Variants in CTNNA3 observed in about 807,000 individuals in gnomAD.
CTNNA3 encodes the protein catenin alpha-3.
A neutral mutation model predicts 95.7 loss-of-function variants in CTNNA3; 76 were observed. The ratio of observed to expected loss-of-function variants is 0.79; its 90% CI spans 0.66 to 0.96. The LOEUF (loss-of-function observed/expected upper bound fraction) is 0.96. Ranked by LOEUF, CTNNA3 falls within the 40% of genes least tolerant of loss-of-function variation. CTNNA3 has a pLI of 0.00. For synonymous variants in CTNNA3, 431 were observed against 374.4 expected (o/e 1.15, Z -1.74); for missense variants, 1,191 against 1,089.8 (o/e 1.09, Z -1.31).
intron 5 of CTNNA3, among the ~76,000 whole-genome samples, chr10:67,387,105 G>A (rs890648718): frequency 6.6e-6 from 1 of 152,166 alleles, no homozygotes; most frequent in African/African-American, 2.4e-5. Flanking sequence ...CAGCGTGAGC[G>A]ACGCAGAAGA....
chr10:67,279,630 C>T (rs1441896470), intron 5 of CTNNA3, among the ~76,000 whole-genome samples: 3 of 140,588 alleles, frequency 2.1e-5, no homozygotes, highest in African/African-American at 8.2e-5. Flanking sequence ...AGATATTTAA[C>T]CTTTTATCTG....
At chr10:66,382,689 A>T (rs9414922) in intron 11 of CTNNA3, among the ~76,000 whole-genome samples, 72,630 of 151,978 alleles carry the variant, frequency 0.48, 17,775 homozygotes, top group African/African-American at 0.58. Context: ...GTAGAGGCCA[A>T]CAGACACCTC....
chr10:66,186,257 CAATT>C (rs2086336364), intron 13 of CTNNA3, among the ~76,000 whole-genome samples: 1 of 149,124 alleles, frequency 6.7e-6, no homozygotes, highest in Non-Finnish European at 1.5e-5. Context: ...TATTATGTGT[CAATT>C]AAAAACAAAA....
intron 12 of CTNNA3, among the ~76,000 whole-genome samples, chr10:66,292,782 C>A (rs1366528522): frequency 6.6e-6 from 1 of 152,154 alleles, no homozygotes; most frequent in Non-Finnish European, 1.5e-5. Context: ...TCCAAATCAT[C>A]ATGAGGCTGC....
In CTNNA3 at chr10:65,955,726, C is replaced by A. The variant is rs147238127; in HGVS notation, c.2400+10886G>T. ...CATATGTTGAACCAGCGTTTCATCC[C>A]AGGGATGAAGCCTACTTGATCATGG... is the stretch of plus-strand genomic sequence containing the variant. On this transcript the variant is annotated intron_variant, in intron 17 of 17. Coordinates refer to ENST00000433211, the MANE Select transcript of CTNNA3 (RefSeq NM_013266.4). Among the ~76,000 whole-genome samples, 949 of 152,160 alleles carry A rather than the reference C, an allele frequency of 6.2e-3. 7 individuals are homozygous for A. Among genetic ancestry groups the A allele is most frequent in the African/African-American group, 0.021 (887 of 41,510 alleles).
At chr10:67,050,651 G>A (rs1011939732) in intron 7 of CTNNA3, among the ~76,000 whole-genome samples, 6 of 152,144 alleles carry the variant, frequency 3.9e-5, no homozygotes, top group Admixed American at 6.5e-5. Flanking sequence ...GCCCAGACTC[G>A]TGTCCTGCAT....
chr10:67,605,981 T>G (rs1300199310), intron 3 of CTNNA3, among the ~76,000 whole-genome samples: 3 of 152,214 alleles, frequency 2.0e-5, no homozygotes, highest in African/African-American at 4.8e-5. Context: ...AAAAATTTTT[T>G]TTAAATCCCC....
At chr10:66,141,040 C>G (rs1197157644) in intron 13 of CTNNA3, among the ~76,000 whole-genome samples, 1 of 152,006 alleles carries the variant, frequency 6.6e-6, no homozygotes, top group African/African-American at 2.4e-5. Flanking sequence ...GGGAGGATCA[C>G]CTGAGCTCAG....
intron 5 of CTNNA3, among the ~76,000 whole-genome samples, chr10:67,385,583 G>A (rs1564614793): frequency 6.6e-6 from 1 of 152,112 alleles, no homozygotes; most frequent in South Asian, 2.1e-4. Context: ...ATCTATATGT[G>A]TATAGTTAAA....
Position 67,180,471 on chromosome 10 carries a change from G to T in CTNNA3, c.893C>A (p.Pro298Gln). ...PLTVTEEEIRPSLEKRLEAII... is the reference protein window; with the variant it reads ...PLTVTEEEIRQSLEKRLEAII... ...GGCTTCAAGGCGTTTCTCTAGTGAT[G>T]GTCGTATTTCCTCCTCAGTTACTGT... is the stretch of plus-strand genomic sequence containing the variant. The change falls in exon 7 of 18, where the codon CCA becomes CAA. Residue 298 changes from proline (P) to glutamine (Q), a missense_variant. Physicochemically the swap from Pro to Gln is moderately conservative, Grantham distance 76. Coordinates refer to ENST00000433211, the MANE Select transcript of CTNNA3 (RefSeq NM_013266.4). The T allele has an allele frequency of 6.2e-7, 1 of 1,613,780 alleles. No individual in the cohort carries two copies. The highest frequency in any genetic ancestry group is 8.5e-7 in the Non-Finnish European group (1 of 1,179,842).
intron 7 of CTNNA3, among the ~76,000 whole-genome samples, chr10:66,826,912 C>T (rs1842535913): frequency 6.6e-6 from 1 of 152,196 alleles, no homozygotes. Context: ...GTCCCACTCC[C>T]AGCCTCCAGC....
intron 15 of CTNNA3, among the ~76,000 whole-genome samples, chr10:66,013,476 C>T (rs926452252): frequency 7.2e-5 from 11 of 152,166 alleles, no homozygotes; most frequent in Admixed American, 1.3e-4. Flanking sequence ...CACTGTTCCA[C>T]GCAGGAGCCC....
intron 5 of CTNNA3, among the ~76,000 whole-genome samples, chr10:67,500,894 C>A (rs1017052032): frequency 6.6e-6 from 1 of 152,326 alleles, no homozygotes; most frequent in East Asian, 1.9e-4. Context: ...ATACAGCACA[C>A]TGATGGGTCT....
chr10:67,290,296 T>C (rs10740272), intron 5 of CTNNA3, among the ~76,000 whole-genome samples: 21,474 of 152,154 alleles, frequency 0.14, 2,075 homozygotes, highest in African/African-American at 0.28. Context: ...CAAATCCTAG[T>C]CTGTTATGTA....
upstream of CTNNA3, among the ~76,000 whole-genome samples, chr10:67,699,937 G>A (rs577857213): frequency 1.9e-4 from 29 of 152,308 alleles, 1 homozygote; most frequent in African/African-American, 4.1e-4. Context: ...GCGCTTTTCC[G>A]ATGGGCTTAA....
At chr10:67,105,559 G>C (rs1384068629) in intron 7 of CTNNA3, among the ~76,000 whole-genome samples, 1 of 151,996 alleles carries the variant, frequency 6.6e-6, no homozygotes, top group African/African-American at 2.4e-5. Context: ...TGATATATTT[G>C]CTTTCAATTA....
intron 7 of CTNNA3, among the ~76,000 whole-genome samples, chr10:66,991,597 G>A (rs1399173970): frequency 2.6e-5 from 4 of 152,100 alleles, no homozygotes; most frequent in African/African-American, 9.7e-5. Context: ...TGTTGCCCAG[G>A]CTGGAGTGCA....
rs192486175 is a variant in CTNNA3, at chr10:67,554,751, C to T, written c.293-15082G>A. ...TTTCTTTTGCTGTGCAGAAGCTCTT[C>T]AGTTTAATTAGATCCCATTTGTCAA... On this transcript the variant is annotated intron_variant, in intron 3 of 17. Coordinates refer to ENST00000433211, the MANE Select transcript of CTNNA3 (RefSeq NM_013266.4). Among the ~76,000 whole-genome samples the T allele has an allele frequency of 1.2e-3, 184 of 152,196 alleles. 1 individual carries two copies. The highest frequency in any genetic ancestry group is 4.2e-3 in the African/African-American group (173 of 41,550).
intron 12 of CTNNA3, among the ~76,000 whole-genome samples, chr10:66,291,839 TATATATATGTGTATGC>T (rs904897211): frequency 3.3e-5 from 5 of 151,492 alleles, no homozygotes; most frequent in African/African-American, 9.7e-5. Context: ...ACACATAAAT[TATATATATGTGTATGC>T]ATATATATGT....
Sources: allele counts gnomAD v4.1 joint callset (sites outside exome capture counted in the v4.1 genomes callset), GRCh38; gene constraint gnomAD v4.1.1; transcripts MANE v1.5; gene names NCBI Gene and HGNC (gene_info 2026-07-23, HGNC 2026-07-21).